The following CSNK2A2 variants were observed in gnomAD, a reference collection of about 807,000 sequenced individuals.
CSNK2A2 encodes the protein casein kinase II subunit alpha'.
Under a neutral mutation model 54.0 loss-of-function variants are expected in CSNK2A2, and 8 were observed. The ratio of observed to expected loss-of-function variants is 0.15; its 90% CI spans 0.09 to 0.27. The LOEUF (loss-of-function observed/expected upper bound fraction) is 0.27. CSNK2A2 is among the 10% of genes least tolerant of loss of function. The probability of loss-of-function intolerance (pLI) is 1.00; values close to 1 mark genes in which losing one functional copy is unlikely to be tolerated. For synonymous variants in CSNK2A2, 141 were observed against 153.9 expected (o/e 0.92, Z 0.62); for missense variants, 242 against 439.4 (o/e 0.55, Z 4.02).
intron 11 of CSNK2A2, chr16:58,159,224 A>C (rs565042270): frequency 1.3e-5 from 2 of 152,392 alleles, no homozygotes; most frequent in East Asian, 3.9e-4. Flanking sequence ...AAGAAAGCAC[A>C]TTAATTAAAG....
In CSNK2A2 at chr16:58,197,291, G is replaced by T. The variant is rs1012059889; in HGVS notation, c.104+342C>A. ...GGCAGGGCATTTTAATAGCTCCAAA[G>T]GACAGCTGTTGACTTCCCACCCCAG... On this transcript the variant is annotated intron_variant, in intron 1 of 11. Coordinates refer to ENST00000262506, the MANE Select transcript of CSNK2A2 (RefSeq NM_001896.4). The surrounding 1 kb of genome is among the most constrained non-coding windows in gnomAD (Gnocchi z 4.0). 3 of 300,600 alleles carry T rather than the reference G, an allele frequency of 1.0e-5. No individual in the cohort carries two copies. The highest frequency in any genetic ancestry group is 6.6e-5 in the African/African-American group (3 of 45,784). 18.6% of individuals were successfully genotyped at this position (300,600 alleles called of 1,614,324 possible).
chr16:58,188,980 G>C (rs1316135311), intron 2 of CSNK2A2, among the ~76,000 whole-genome samples: 1 of 141,602 alleles, frequency 7.1e-6, no homozygotes, highest in Admixed American at 7.1e-5. Flanking sequence ...TTTTTGAGAC[G>C]GAGTCTCACT....
chr16:58,194,803 G>A (rs1205151405), intron 2 of CSNK2A2, among the ~76,000 whole-genome samples: 3 of 152,064 alleles, frequency 2.0e-5, no homozygotes, highest in African/African-American at 4.8e-5. Flanking sequence ...CATACGCCAA[G>A]AATCTTTAAA....
chr16:58,190,186 C>G (rs1335394570), intron 2 of CSNK2A2, among the ~76,000 whole-genome samples: 3 of 152,054 alleles, frequency 2.0e-5, no homozygotes, highest in Admixed American at 6.6e-5. Flanking sequence ...TTAAAAGATT[C>G]AAACTCAATC....
At chr16:58,170,553 C>G (rs1352464408) in intron 5 of CSNK2A2, among the ~76,000 whole-genome samples, 1 of 152,038 alleles carries the variant, frequency 6.6e-6, no homozygotes, top group East Asian at 1.9e-4. Flanking sequence ...TAAGAAACTG[C>G]CTAATTATCT....
At chr16:58,167,934 T>C (rs2142413360) in intron 6 of CSNK2A2, 139 bp from the exon 7 acceptor site, 1 of 663,370 alleles carries the variant, frequency 1.5e-6, no homozygotes, top group Non-Finnish European at 2.6e-6. Context: ...AAAAATTACA[T>C]TTTCAGCAAT....
intron 4 of CSNK2A2, among the ~76,000 whole-genome samples, chr16:58,183,476 T>C (rs1377012229): frequency 3.3e-5 from 5 of 152,160 alleles, no homozygotes; most frequent in Non-Finnish European, 7.3e-5. Context: ...TAGTTTTGTC[T>C]CTAGCTCCTG....
chr16:58,196,134 T>C (rs1962438621), intron 2 of CSNK2A2, among the ~76,000 whole-genome samples: 1 of 152,220 alleles, frequency 6.6e-6, no homozygotes, highest in South Asian at 2.1e-4. Flanking sequence ...GGCTTTTCTG[T>C]CTTTTGATTA....
At chr16:58,164,289 C>T in intron 10 of CSNK2A2, 142 bp from the exon 11 acceptor site, 1 of 618,608 alleles carries the variant, frequency 1.6e-6, no homozygotes, top group South Asian at 2.2e-5. Flanking sequence ...AGACGGAAAT[C>T]ACGGAATTCC....
At chr16:58,191,870 T>C (rs1351617476) in intron 2 of CSNK2A2, among the ~76,000 whole-genome samples, 1 of 152,168 alleles carries the variant, frequency 6.6e-6, no homozygotes, top group Non-Finnish European at 1.5e-5. Flanking sequence ...TTAACCGTCT[T>C]AGATGAGCAC....
chr16:58,169,143 G>A (rs926994977), intron 5 of CSNK2A2, among the ~76,000 whole-genome samples: 2 of 152,082 alleles, frequency 1.3e-5, no homozygotes, highest in African/African-American at 4.8e-5. Flanking sequence ...AGCCAGGATG[G>A]TTTCAATCTC....
intron 2 of CSNK2A2, among the ~76,000 whole-genome samples, chr16:58,188,072 T>C (rs954824638): frequency 1.3e-5 from 2 of 152,134 alleles, no homozygotes; most frequent in Admixed American, 1.3e-4. Context: ...AAATATAACA[T>C]ACACACATGC....
chr16:58,184,417 T>C (rs899760118), intron 3 of CSNK2A2, 107 bp from the exon 4 acceptor site: 14 of 716,008 alleles, frequency 2.0e-5, no homozygotes, highest in Non-Finnish European at 2.4e-6. Flanking sequence ...AACACAGGGA[T>C]TCACTCATCA....
rs1159298336 is a variant in CSNK2A2, at chr16:58,174,450, C to CT, written c.429dup (p.Ala144SerfsTer68). 6.2e-7 allele frequency: 1 copy of CT among 1,605,326 alleles called. No individual in the cohort carries two copies. On this transcript the variant is annotated frameshift_variant and splice_region_variant. Transcript: ENST00000262506. LOFTEE classifies it high-confidence loss of function. ...ATTAATGGTTTATGAACACCACTTA[C>CT]TTTAAGTAGTTCATACATATAAAAC...
intron 2 of CSNK2A2, among the ~76,000 whole-genome samples, chr16:58,190,242 G>C (rs1008797859): frequency 5.9e-5 from 9 of 151,842 alleles, no homozygotes; most frequent in Admixed American, 4.6e-4. Flanking sequence ...TTTTTAACTT[G>C]AAATCTAGTA....
At chr16:58,174,627 T>A in intron 4 of CSNK2A2, 117 bp from the exon 5 acceptor site, 1 of 617,584 alleles carries the variant, frequency 1.6e-6, no homozygotes, top group South Asian at 2.7e-5. Context: ...ATCCCATGAC[T>A]TTTTTACTAC....
intron 9 of CSNK2A2, among the ~76,000 whole-genome samples, chr16:58,165,938 G>C (rs899746728): frequency 4.6e-5 from 7 of 152,146 alleles, no homozygotes; most frequent in African/African-American, 1.7e-4. Flanking sequence ...ATCTCATTTA[G>C]AATATGTGGA....
intron 4 of CSNK2A2, among the ~76,000 whole-genome samples, chr16:58,182,813 T>C (rs1378380390): frequency 1.3e-5 from 2 of 152,184 alleles, no homozygotes; most frequent in Non-Finnish European, 2.9e-5. Context: ...ATTCATAGGA[T>C]CAGCTACACA....
intron 8 of CSNK2A2, 27 bp downstream of exon 8, chr16:58,167,180 A>C (rs753072503): frequency 6.4e-7 from 1 of 1,566,684 alleles, no homozygotes; most frequent in Admixed American, 1.8e-5. Context: ...CCCCCAAATA[A>C]ATAAGAACCA....
Sources: gnomAD v4.1 joint callset for allele counts (sites outside exome capture counted in the v4.1 genomes callset) on GRCh38, gnomAD v4.1.1 for gene constraint, Gnocchi (gnomAD v3.1) non-coding constraint, MANE v1.5 for transcripts, NCBI Gene and HGNC (gene_info 2026-07-23, HGNC 2026-07-21) for gene names.